LINC00632: variants seen among roughly 807,000 people sequenced by gnomAD.
LINC00632 encodes the protein long independently transcribed non-coding RNA 632.
chrX:140,759,335 TCC>T (rs1335926191), intron 3 of LINC00632, among the ~76,000 whole-genome samples: 37 of 56,841 alleles, frequency 6.5e-4, no homozygotes, highest in African/African-American at 1.3e-3. Flanking sequence ...CTTCCTTCCT[TCC>T]TTCCTTCCTT....
chrX:140,763,027 A>C (rs1435324307), intron 3 of LINC00632, among the ~76,000 whole-genome samples: 1 of 111,618 alleles, frequency 9.0e-6, no homozygotes, highest in Admixed American at 9.6e-5. Flanking sequence ...TGCATGTATA[A>C]ATTACTAAAA....
intron 3 of LINC00632, among the ~76,000 whole-genome samples, chrX:140,756,756 T>G (rs1931500596): frequency 8.9e-6 from 1 of 112,305 alleles, no homozygotes; most frequent in African/African-American, 3.2e-5. Flanking sequence ...CAATTAACTG[T>G]AATTACAAAT....
chrX:140,743,394 TA>T (rs930929396), intron 3 of LINC00632, among the ~76,000 whole-genome samples: 1 of 109,928 alleles, frequency 9.1e-6, no homozygotes, highest in Non-Finnish European at 1.9e-5. Context: ...AATCAGGGCT[TA>T]AGGATGATAG....
chrX:140,761,752 T>TA (rs1385990230), intron 3 of LINC00632, among the ~76,000 whole-genome samples: 1 of 112,348 alleles, frequency 8.9e-6, no homozygotes, highest in Admixed American at 9.4e-5. Context: ...AACCTTTAGC[T>TA]AAAAAAATTG....
chrX:140,719,277 A>C (rs2148377749), intron 2 of LINC00632, among the ~76,000 whole-genome samples: 1 of 110,953 alleles, frequency 9.0e-6, no homozygotes, highest in South Asian at 4.0e-4. Context: ...CAAAACACAC[A>C]GCAATACCCG....
chrX:140,750,550 A>G (rs185551858), intron 3 of LINC00632, among the ~76,000 whole-genome samples: 173 of 111,419 alleles, frequency 1.6e-3, no homozygotes, highest in Non-Finnish European at 2.9e-3. Context: ...AGCATCATAT[A>G]CACAATAAAT....
chrX:140,722,649 G>A (rs751165239), intron 2 of LINC00632, among the ~76,000 whole-genome samples: 38 of 110,775 alleles, frequency 3.4e-4, no homozygotes, highest in Non-Finnish European at 5.7e-5. Context: ...AACCAGACAC[G>A]CCTTATATCA....
At chrX:140,732,020 A>G (rs1029550517) in intron 2 of LINC00632, among the ~76,000 whole-genome samples, 6 of 110,923 alleles carry the variant, frequency 5.4e-5, no homozygotes, top group Admixed American at 9.6e-5. Flanking sequence ...ACAGGCCAAC[A>G]TGGTGAAACC....
chrX:140,770,794 G>T (rs1249498348), intron 3 of LINC00632, among the ~76,000 whole-genome samples: 3 of 112,058 alleles, frequency 2.7e-5, no homozygotes, highest in African/African-American at 9.7e-5. Flanking sequence ...GTTATCAGAA[G>T]ATCTGAGATC....
At chrX:140,747,529 C>CAAAAAA (rs376796176) in intron 3 of LINC00632, among the ~76,000 whole-genome samples, 1 of 63,249 alleles carries the variant, frequency 1.6e-5, no homozygotes, top group Non-Finnish European at 2.9e-5. Context: ...AAACTCCATC[C>CAAAAAA]AAAAAAAAAA....
At chrX:140,790,095 G>A (rs981945782) in exon 5 of LINC00632, among the ~76,000 whole-genome samples, 2 of 111,092 alleles carry the variant, frequency 1.8e-5, no homozygotes, top group Non-Finnish European at 3.8e-5. Context: ...TGTCCACACT[G>A]GTCTTGAACT....
intron 3 of LINC00632, among the ~76,000 whole-genome samples, chrX:140,735,555 G>GTATTTATTTATTTATT (rs574366226): frequency 3.7e-5 from 4 of 109,497 alleles, no homozygotes; most frequent in African/African-American, 1.4e-4. Flanking sequence ...TGATAAAATG[G>GTATTTATTTATTTATT]TATTTATTTA....
intron 3 of LINC00632, among the ~76,000 whole-genome samples, chrX:140,736,122 A>G (rs1931139509): frequency 9.0e-6 from 1 of 111,586 alleles, no homozygotes; most frequent in African/African-American, 3.2e-5. Context: ...AGCAAAGTAA[A>G]TATCATATTA....
chrX:140,771,915 C>G (rs1049990822), intron 3 of LINC00632, among the ~76,000 whole-genome samples: 2 of 109,243 alleles, frequency 1.8e-5, no homozygotes, highest in East Asian at 5.8e-4. Context: ...CTCCTGACCT[C>G]GTGATCCCCC....
chrX:140,742,896 GA>G (rs1471336445), intron 3 of LINC00632, among the ~76,000 whole-genome samples: 2 of 100,959 alleles, frequency 2.0e-5, no homozygotes, highest in African/African-American at 3.7e-5. Flanking sequence ...AGGAAGGAAG[GA>G]AAGGAAAGGA....
exon 5 of LINC00632, among the ~76,000 whole-genome samples, chrX:140,789,263 C>G (rs1342231184): frequency 1.8e-5 from 2 of 110,133 alleles, no homozygotes; most frequent in Non-Finnish European, 3.8e-5. Flanking sequence ...TATTCTACAA[C>G]TTGCTTTTTT....
chrX:140,728,170 G>A (rs755001122), intron 2 of LINC00632, among the ~76,000 whole-genome samples: 3 of 108,933 alleles, frequency 2.8e-5, no homozygotes, highest in East Asian at 5.8e-4. Context: ...AACCTGGGAG[G>A]TGGAGGTTGC....
chrX:140,714,101 G>A (rs1266120375), intron 2 of LINC00632: 1 of 206,031 alleles, frequency 4.9e-6, no homozygotes, highest in Admixed American at 6.3e-5. Context: ...TCTCACCACA[G>A]ACCATAGACT....
At chrX:140,755,931 T>G (rs2148394785) in intron 3 of LINC00632, among the ~76,000 whole-genome samples, 1 of 110,839 alleles carries the variant, frequency 9.0e-6, no homozygotes, top group South Asian at 3.8e-4. Context: ...TAAATAAATT[T>G]TACTAAATAA....
Sources: gnomAD v4.1 joint callset for allele counts (sites outside exome capture counted in the v4.1 genomes callset) on GRCh38, gnomAD v4.1.1 for gene constraint, MANE v1.5 for transcripts, NCBI Gene and HGNC (gene_info 2026-07-23, HGNC 2026-07-21) for gene names.